The following PLCG1 variants were observed in gnomAD, a reference collection of about 807,000 sequenced individuals.
PLCG1 encodes the protein phospholipase C gamma 1, also known as 1-phosphatidylinositol 4,5-bisphosphate phosphodiesterase gamma-1.
A neutral mutation model predicts 177.8 loss-of-function variants in PLCG1; 71 were observed. The observed-to-expected ratio is 0.40, with a 90% CI of 0.33 to 0.49. The LOEUF (loss-of-function observed/expected upper bound fraction) is 0.49. PLCG1 is among the 20% of genes least tolerant of loss of function. PLCG1 has a pLI of 0.72. For missense variants in PLCG1, 1,281 were observed against 1,709.0 expected (o/e 0.75, Z 4.42); for synonymous variants, 658 against 647.9 (o/e 1.02, Z -0.24).
rs1403247827 is a variant in PLCG1 at position 41,150,375 on chromosome 20, A to G, written c.218-9231A>G. ...GTTCTCCAAGTAGCCTGAGTGTACT[A>G]TGTGGGGGAGCATTTTATGAGGGAC... is the stretch of plus-strand genomic sequence containing the variant. On this transcript the variant is annotated intron_variant, in intron 1 of 31. Transcript: ENST00000685551. This position sits in a 1 kb window ranked among gnomAD's most constrained non-coding sequence, Gnocchi z 4.0. 2.0e-5 allele frequency among the ~76,000 whole-genome samples: 3 copies of G among 152,098 alleles called. No homozygotes were observed. Among genetic ancestry groups the G allele is most frequent in the Admixed American group, 2.0e-4 (3 of 15,276 alleles).
rs769294921 is a variant in PLCG1 at position 41,160,113 on chromosome 20, C to T, written c.472C>T (p.Arg158Trp). The T allele has an allele frequency of 1.9e-5, 30 of 1,613,950 alleles. No homozygotes were observed. Among genetic ancestry groups the T allele is most frequent in the Admixed American group, 3.3e-5 (2 of 60,002 alleles). The change falls in exon 4 of 32, where the codon CGG (arginine) becomes TGG (tryptophan). Residue 158 changes from arginine to tryptophan, a missense_variant. By Grantham distance (101) the Arg-to-Trp change is moderately radical. Coordinates refer to ENST00000685551, the MANE Select transcript of PLCG1 (RefSeq NM_002660.3). This position sits in a 1 kb window ranked among gnomAD's most constrained non-coding sequence, Gnocchi z 5.5. ...PTPLQIERWL[R>W]KQFYSVDRNR... Reference sequence around the variant, plus strand: ...TCAGGCTTCTCTCTCCAGGTGGCTCCGGAAGCAGTTTTACTCAGTGGATCG... The same window carrying T: ...TCAGGCTTCTCTCTCCAGGTGGCTCTGGAAGCAGTTTTACTCAGTGGATCG...
In PLCG1 at chr20:41,159,963, G is replaced by C; in HGVS notation, c.464G>C (p.Arg155Thr). 1 of 1,613,072 alleles carries C rather than the reference G, an allele frequency of 6.2e-7. No homozygotes were observed. Among genetic ancestry groups the C allele is most frequent in the Non-Finnish European group, 8.5e-7 (1 of 1,179,028 alleles). The change falls in exon 3 of 32, where the codon AGG (arginine) becomes ACG (threonine). Residue 155 changes from arginine to threonine, a missense_variant and splice_region_variant. Arg to Thr is a moderately conservative substitution (Grantham distance 71, BLOSUM62 -1). This residue lies in a region of PLCG1 where 374 missense variants were observed against 443.8 expected (regional missense o/e 0.84). Coordinates refer to ENST00000685551, the MANE Select transcript of PLCG1 (RefSeq NM_002660.3). This position sits in a 1 kb window ranked among gnomAD's most constrained non-coding sequence, Gnocchi z 6.0. ...GCACCCACACCCCTGCAGATTGAGA[G>C]GTAAGAACCACTCCTGAAGGGGTTA... ...LQAPTPLQIE[R>T]WLRKQFYSVD...
rs1386214102 is a variant in PLCG1, at chr20:41,173,077, CTTGTTCTGATGACTTGTT to C, written c.3279+213_3279+230del. ...TAGGACGTGCAGAGCCATGGTGTGA[CTTGTTCTGATGACTTGTT>C]TTGTTCTGATGAGATCTTTTTTTTC... is the stretch of plus-strand genomic sequence containing the variant. On this transcript the variant is annotated intron_variant, in intron 27 of 31. Transcript: ENST00000685551. This position sits in a 1 kb window ranked among gnomAD's most constrained non-coding sequence, Gnocchi z 6.2. Among the ~76,000 whole-genome samples, 1 of 152,170 alleles carries C rather than the reference CTTGTTCTGATGACTTGTT, an allele frequency of 6.6e-6. No individual in the cohort carries two copies.
rs2035949450 is a variant in PLCG1 at position 41,172,929 on chromosome 20, G to A, written c.3279+52G>A. ...GGTAGGAAAGGGGCTGCTTGCCGTT[G>A]GAGTCTGTTTATGTTGAGTTCTCCA... On this transcript the variant is annotated intron_variant, in intron 27 of 31. Transcript: ENST00000685551. The surrounding 1 kb of genome is among the most constrained non-coding windows in gnomAD (Gnocchi z 7.0). 14 of 1,585,944 alleles carry A rather than the reference G, an allele frequency of 8.8e-6. No individual in the cohort carries two copies. Among genetic ancestry groups the A allele is most frequent in the Non-Finnish European group, 1.2e-5 (14 of 1,162,162 alleles).
In PLCG1 at chr20:41,173,729, C is replaced by A. The variant is rs751559277; in HGVS notation, c.3472C>A (p.Arg1158Ser). Residue 1158 changes from arginine to serine, a missense_variant, in exon 29 of 32, where the codon CGC becomes AGC. This residue lies in a region of PLCG1 where 723 missense variants were observed against 1,030.0 expected (regional missense o/e 0.70). Transcript: ENST00000685551. The surrounding 1 kb of genome is among the most constrained non-coding windows in gnomAD (Gnocchi z 6.2). ...QISNPEFAFL[R>S]FVVYEEDMFS... ...CAGTAACCCTGAATTTGCCTTTCTG[C>A]GCTTCGTGGTGTATGAGGAAGACAT... 1.9e-6 allele frequency: 3 copies of A among 1,614,142 alleles called. No individual in the cohort carries two copies. The South Asian group carries it at 3.3e-5, about 18-fold the overall frequency.
chr20:41,163,623 C>A lies in PLCG1; in HGVS notation c.892-92C>A. 1 of 1,086,818 alleles carries A rather than the reference C, an allele frequency of 9.2e-7. No individual in the cohort carries two copies. The highest frequency in any genetic ancestry group is 1.3e-5 in the South Asian group (1 of 77,582). 67.3% of individuals were successfully genotyped at this position (1,086,818 alleles called of 1,614,324 possible). ...GCACCTTGCCCACCCCCAGTTGGGA[C>A]AGAGCACTCTCTCTCCTACCCCCAA... is the stretch of plus-strand genomic sequence containing the variant. On this transcript the variant is annotated intron_variant, in intron 9 of 31. Coordinates refer to ENST00000685551, the MANE Select transcript of PLCG1 (RefSeq NM_002660.3). The surrounding 1 kb of genome is among the most constrained non-coding windows in gnomAD (Gnocchi z 5.2).
At position 41,167,863 on chromosome 20, in the gene PLCG1, C is replaced by T. The variant is rs750074629; in HGVS notation, c.2313C>T (p.Tyr771=). ...LEKIGTAEPD[Y]GALYEGRNPG... ...TGTCCTGTTTCCAGGAGCCTGACTA[C>T]GGGGCCCTGTATGAGGGACGCAACC... The change falls in exon 20 of 32, where the codon TAC becomes TAT. Residue 771 remains tyrosine (Y), a synonymous_variant. Transcript: ENST00000685551. The surrounding 1 kb of genome is among the most constrained non-coding windows in gnomAD (Gnocchi z 4.4). The T allele has an allele frequency of 1.1e-5, 17 of 1,612,662 alleles. No homozygotes were observed. Among genetic ancestry groups the T allele is most frequent in the South Asian group, 6.6e-5 (6 of 91,036 alleles).
In PLCG1 at chr20:41,173,422, G is replaced by A. The variant is rs2035965572; in HGVS notation, c.3282G>A (p.Val1094=). ...GGCCCTTCTTTGTCTGCCTACAGGT[G>A]CTGGGGGCCCGACATCTGCCAAAGA... The part of the protein sequence containing the change: ...GLEPCAISIE[V]LGARHLPKNG... Residue 1094 remains valine (V), a splice_region_variant and synonymous_variant, in exon 28 of 32, where the codon GTG becomes GTA. Coordinates refer to ENST00000685551, the MANE Select transcript of PLCG1 (RefSeq NM_002660.3). This position sits in a 1 kb window ranked among gnomAD's most constrained non-coding sequence, Gnocchi z 6.2. 1 of 1,595,912 alleles carries A rather than the reference G, an allele frequency of 6.3e-7. No homozygotes were observed. The highest frequency in any genetic ancestry group is 8.5e-7 in the Non-Finnish European group (1 of 1,170,490).
rs753162829 is a variant in PLCG1 at position 41,172,643 on chromosome 20, C to G, written c.3128C>G (p.Pro1043Arg). 1 of 1,613,670 alleles carries G rather than the reference C, an allele frequency of 6.2e-7. No individual in the cohort carries two copies. The highest frequency in any genetic ancestry group is 8.5e-7 in the Non-Finnish European group (1 of 1,179,714). The part of the protein sequence containing the change: ...SQLVALNFQT[P>R]DKPMQMNQAL... ...CTTGTGGCCCTCAACTTCCAGACCC[C>G]TGGTGAGGAAGTCCCCTGTGAGGAG... The change falls in exon 26 of 32, where the codon CCT (proline) becomes CGT (arginine). Residue 1043 changes from proline to arginine, a missense_variant and splice_region_variant. Pro to Arg is a moderately radical substitution (Grantham distance 103). Around this residue, in one of 4 missense-constraint regions of PLCG1, gnomAD observed 723 missense variants for 1,030.0 expected, o/e 0.70. Transcript: ENST00000685551. This position sits in a 1 kb window ranked among gnomAD's most constrained non-coding sequence, Gnocchi z 7.0.
chr20:41,143,162 C>T (rs902889455), intron 1 of PLCG1, among the ~76,000 whole-genome samples: 14 of 152,064 alleles, frequency 9.2e-5, no homozygotes, highest in Admixed American at 6.5e-5. Flanking sequence ...TAGCCCAGGA[C>T]GCTATCTGGA....
rs1190485543 is a variant in PLCG1 at position 41,162,629 on chromosome 20, C to T, written c.598-13C>T. 1 of 1,611,072 alleles carries T rather than the reference C, an allele frequency of 6.2e-7. No individual in the cohort carries two copies. The highest frequency in any genetic ancestry group is 8.5e-7 in the Non-Finnish European group (1 of 1,177,388). On this transcript the variant is annotated splice_polypyrimidine_tract_variant and intron_variant, in intron 5 of 31. Coordinates refer to ENST00000685551, the MANE Select transcript of PLCG1 (RefSeq NM_002660.3). ...TGACTGCCTGACTGGCACTCCTGCTCTATACCATGCAGGACCTGGAGCAGC... is the reference window on the plus strand; with the variant it reads ...TGACTGCCTGACTGGCACTCCTGCTTTATACCATGCAGGACCTGGAGCAGC...
rs969329981 is a variant in PLCG1 at position 41,172,387 on chromosome 20, CG to C, written c.2906-31del. On this transcript the variant is annotated intron_variant, in intron 25 of 31. Transcript: ENST00000685551. The surrounding 1 kb of genome is among the most constrained non-coding windows in gnomAD (Gnocchi z 7.0). Reference sequence around the variant, plus strand: ...ATCCCCCCAACACTTCCTGGGTGGGCGGGCTCTGTAAGTGTTTTCCCTGTTT... The same window carrying C: ...ATCCCCCCAACACTTCCTGGGTGGGCGGCTCTGTAAGTGTTTTCCCTGTTT... 18 of 1,594,750 alleles carry C rather than the reference CG, an allele frequency of 1.1e-5. No individual in the cohort carries two copies. The African/African-American group carries it at 2.4e-4, about 21-fold the overall frequency.
In PLCG1 at chr20:41,164,622, C is replaced by G. The variant is rs1162499923; in HGVS notation, c.1218-311C>G. On this transcript the variant is annotated intron_variant, in intron 12 of 31. Coordinates refer to ENST00000685551, the MANE Select transcript of PLCG1 (RefSeq NM_002660.3). The surrounding 1 kb of genome is among the most constrained non-coding windows in gnomAD (Gnocchi z 6.4). ...CTCCCTTAGCTCACCAGGGCTCTAACAGCTAACTTTGGAGGCTTCTCCTCT... is the reference window on the plus strand; with the variant it reads ...CTCCCTTAGCTCACCAGGGCTCTAAGAGCTAACTTTGGAGGCTTCTCCTCT... 6.6e-6 allele frequency among the ~76,000 whole-genome samples: 1 copy of G among 152,124 alleles called. No individual in the cohort carries two copies. The highest frequency in any genetic ancestry group is 2.4e-5 in the African/African-American group (1 of 41,422).
rs1024108104 is a variant in PLCG1 at position 41,164,890 on chromosome 20, A to G, written c.1218-43A>G. ...TGTGAGGGGCTACTTAGACCCAGAG[A>G]ATTGCAGAATCTGTTTCACTGTGCT... On this transcript the variant is annotated intron_variant, in intron 12 of 31. Coordinates refer to ENST00000685551, the MANE Select transcript of PLCG1 (RefSeq NM_002660.3). The surrounding 1 kb of genome is among the most constrained non-coding windows in gnomAD (Gnocchi z 6.4). 2.5e-6 allele frequency: 4 copies of G among 1,588,144 alleles called. No homozygotes were observed. The highest frequency in any genetic ancestry group is 3.4e-6 in the Non-Finnish European group (4 of 1,162,588).
Position 41,174,352 on chromosome 20 carries a change from G to A in PLCG1, c.3833+41G>A, listed in dbSNP as rs1391937084. 6.2e-7 allele frequency: 1 copy of A among 1,604,606 alleles called. No individual in the cohort carries two copies. Among genetic ancestry groups the A allele is most frequent in the Admixed American group, 1.7e-5 (1 of 59,906 alleles). Reference sequence around the variant, plus strand: ...GGGTGCTAGAGCCAGGAAGGCAGTGGCTAGGTCCTCCTTCTTCAGTGTTTC... The same window carrying A: ...GGGTGCTAGAGCCAGGAAGGCAGTGACTAGGTCCTCCTTCTTCAGTGTTTC... On this transcript the variant is annotated intron_variant, in intron 31 of 31. Coordinates refer to ENST00000685551, the MANE Select transcript of PLCG1 (RefSeq NM_002660.3). The surrounding 1 kb of genome is among the most constrained non-coding windows in gnomAD (Gnocchi z 5.8).
chr20:41,165,191 G>A lies in PLCG1; in HGVS notation c.1387-54G>A. On this transcript the variant is annotated intron_variant, in intron 13 of 31. Transcript: ENST00000685551. The surrounding 1 kb of genome is among the most constrained non-coding windows in gnomAD (Gnocchi z 6.6). ...AGCTGTTGGGCCTAAACCTGGGTGA[G>A]GAGGTGGGGTGAGGACTGGGGTCTG... 1 of 1,608,270 alleles carries A rather than the reference G, an allele frequency of 6.2e-7. No individual in the cohort carries two copies. The highest frequency in any genetic ancestry group is 8.5e-7 in the Non-Finnish European group (1 of 1,176,382).
rs1262978054 is a variant in PLCG1 at position 41,164,047 on chromosome 20, C to T, written c.1097-34C>T. ...GGCTGGGGGAGGGAAGATGGGAGGC[C>T]TGCCCGCTTGACCATGGTGATGTTG... On this transcript the variant is annotated intron_variant, in intron 11 of 31. Transcript: ENST00000685551. The surrounding 1 kb of genome is among the most constrained non-coding windows in gnomAD (Gnocchi z 6.4). 1.9e-6 allele frequency: 3 copies of T among 1,614,170 alleles called. No homozygotes were observed. The highest frequency in any genetic ancestry group is 2.2e-5 in the East Asian group (1 of 44,870).
chr20:41,166,656 G>T lies in PLCG1; in HGVS notation c.2121-23G>T. 2 of 1,614,120 alleles carry T rather than the reference G, an allele frequency of 1.2e-6. No homozygotes were observed. Among genetic ancestry groups the T allele is most frequent in the Non-Finnish European group, 8.5e-7 (1 of 1,179,994 alleles). On this transcript the variant is annotated intron_variant, in intron 18 of 31. Coordinates refer to ENST00000685551, the MANE Select transcript of PLCG1 (RefSeq NM_002660.3). The surrounding 1 kb of genome is among the most constrained non-coding windows in gnomAD (Gnocchi z 8.6). ...TGGGTCTGAGCTGCCCTGACCCTGT[G>T]TGACTGTTTTGTCCTTGTGAAGGGC...
In PLCG1 at chr20:41,151,383, T is replaced by C. The variant is rs1410425160; in HGVS notation, c.218-8223T>C. 6.6e-6 allele frequency among the ~76,000 whole-genome samples: 1 copy of C among 152,220 alleles called. No homozygotes were observed. The highest frequency in any genetic ancestry group is 1.5e-5 in the Non-Finnish European group (1 of 68,036). Reference sequence around the variant, plus strand: ...ATTTGTCTAGAATCTAGACCAAGCTTGTCCAACTCGCTGCCCGCGGGTCTG... The same window carrying C: ...ATTTGTCTAGAATCTAGACCAAGCTCGTCCAACTCGCTGCCCGCGGGTCTG... On this transcript the variant is annotated intron_variant, in intron 1 of 31. Transcript: ENST00000685551. The surrounding 1 kb of genome is among the most constrained non-coding windows in gnomAD (Gnocchi z 5.5).
Sources: gnomAD v4.1 joint callset for allele counts (sites outside exome capture counted in the v4.1 genomes callset) on GRCh38, gnomAD v4.1.1 for gene constraint, gnomAD v4.1.1 regional missense constraint, Gnocchi (gnomAD v3.1) non-coding constraint, MANE v1.5 for transcripts, NCBI Gene and HGNC (gene_info 2026-07-23, HGNC 2026-07-21) for gene names.